TRPC4: variants seen among roughly 807,000 people sequenced by gnomAD.
TRPC4 encodes the protein short transient receptor potential channel 4.
Under a neutral mutation model 99.4 loss-of-function variants are expected in TRPC4, and 49 were observed. The ratio of observed to expected loss-of-function variants is 0.49; its 90% confidence interval spans 0.39 to 0.63. The LOEUF is 0.63. TRPC4 is among the 20% of genes least tolerant of loss of function. The probability of loss-of-function intolerance (pLI) is 0.00; values close to 1 mark genes in which losing one functional copy is unlikely to be tolerated. For missense variants in TRPC4, 898 were observed against 1,152.9 expected, an observed-to-expected ratio of 0.78 and a Z score of 3.20; for synonymous variants, 454 against 425.9, an observed-to-expected ratio of 1.07 and a Z score of -0.81.
chr13:37,801,074 G>A (rs1195598559), intron 1 of TRPC4, among the ~76,000 whole-genome samples: 1 of 151,964 alleles, frequency 6.6e-6, no homozygotes, highest in Non-Finnish European at 1.5e-5. Context: ...ATATTTGAAT[G>A]AATATTTATC....
At chr13:37,759,867 A>C (rs541335285) in intron 2 of TRPC4, among the ~76,000 whole-genome samples, 1 of 134,270 alleles carries the variant, frequency 7.4e-6, no homozygotes, top group African/African-American at 2.5e-5. Flanking sequence ...AATATTTCTT[A>C]TATTTATTTC....
At chr13:37,802,381 C>T (rs1957427659) in intron 1 of TRPC4, among the ~76,000 whole-genome samples, 2 of 152,052 alleles carry the variant, frequency 1.3e-5, no homozygotes, top group African/African-American at 2.4e-5. Flanking sequence ...TTAATATTCT[C>T]CAATTTTGTG....
intron 2 of TRPC4, among the ~76,000 whole-genome samples, chr13:37,760,646 C>T (rs1355822343): frequency 1.3e-5 from 2 of 151,882 alleles, no homozygotes; most frequent in Non-Finnish European, 2.9e-5. Context: ...TGTATGTGGC[C>T]CAGGACAGCT....
At chr13:37,786,760 A>G (rs570543818) in intron 1 of TRPC4, among the ~76,000 whole-genome samples, 37 of 152,208 alleles carry the variant, frequency 2.4e-4, no homozygotes, top group Non-Finnish European at 4.1e-4. Context: ...TTTCATTTCA[A>G]TGTCTCCTGT....
intron 3 of TRPC4, among the ~76,000 whole-genome samples, chr13:37,716,548 A>G (rs896817356): frequency 3.9e-5 from 6 of 152,236 alleles, no homozygotes; most frequent in Admixed American, 1.3e-4. Context: ...TTCTTTTTCA[A>G]AATAAAGTTG....
intron 3 of TRPC4, among the ~76,000 whole-genome samples, chr13:37,721,019 C>G (rs1444729227): frequency 2.0e-5 from 3 of 152,158 alleles, no homozygotes; most frequent in African/African-American, 7.2e-5. Flanking sequence ...TTAGGAGACA[C>G]ATTCCAAACA....
Position 37,821,190 on chromosome 13 carries a change from CCACACACACACACACACA to C in TRPC4, c.-27-37848_-27-37831del, listed in dbSNP as rs3086254. 4.4e-4 allele frequency among the ~76,000 whole-genome samples: 60 copies of C among 135,938 alleles called. 1 individual carries two copies. The highest frequency in any genetic ancestry group is 9.0e-4 in the Admixed American group (12 of 13,268). 89.2% of individuals were successfully genotyped at this position (135,938 alleles called of 152,430 possible). The stretch of plus-strand genomic sequence containing the variant: ...ATGAATGAAATCACATTCACAATAG[CCACACACACACACACACA>C]CACACACACACACACACACACACAA... On this transcript the variant is annotated intron_variant, in intron 1 of 10. Coordinates refer to ENST00000379705, the MANE Select transcript of TRPC4 (RefSeq NM_016179.4).
Position 37,634,644 on chromosome 13 carries a change from G to T in TRPC4, c.*2259C>A, listed in dbSNP as rs753311109. Among the ~76,000 whole-genome samples the T allele has an allele frequency of 4.6e-5, 7 of 152,024 alleles. No individual in the cohort carries two copies. Among genetic ancestry groups the T allele is most frequent in the Non-Finnish European group, 7.4e-5 (5 of 67,974 alleles). ...AGAGAGAATTTGAAATTAAATTCTG[G>T]TAAAGTATGTAAAATGGTTATGTAT... On this transcript the variant is annotated 3_prime_UTR_variant, in exon 11 of 11. Coordinates refer to ENST00000379705, the MANE Select transcript of TRPC4 (RefSeq NM_016179.4).
At chr13:37,650,608 T>A (rs1306423997) in intron 8 of TRPC4, among the ~76,000 whole-genome samples, 7 of 44,464 alleles carry the variant, frequency 1.6e-4, no homozygotes, top group South Asian at 1.2e-3. Flanking sequence ...TCTCTCTCTC[T>A]CTATACACAC....
At chr13:37,769,648 G>A (rs1490694690) in intron 2 of TRPC4, among the ~76,000 whole-genome samples, 1 of 151,200 alleles carries the variant, frequency 6.6e-6, no homozygotes, top group African/African-American at 2.4e-5. Context: ...CTGGCTCCAG[G>A]GAATCATTCA....
At chr13:37,753,162 A>G (rs897699695) in intron 2 of TRPC4, among the ~76,000 whole-genome samples, 9 of 152,092 alleles carry the variant, frequency 5.9e-5, no homozygotes, top group Admixed American at 3.3e-4. Context: ...GGAACTAGCA[A>G]TGTAAAACAG....
At chr13:37,776,637 A>T (rs1175300553) in intron 2 of TRPC4, among the ~76,000 whole-genome samples, 1 of 151,944 alleles carries the variant, frequency 6.6e-6, no homozygotes, top group Non-Finnish European at 1.5e-5. Flanking sequence ...AAATGTTTTC[A>T]TTCTTTAGAG....
intron 3 of TRPC4, among the ~76,000 whole-genome samples, chr13:37,724,172 G>T (rs1954961749): frequency 6.6e-6 from 1 of 151,806 alleles, no homozygotes; most frequent in Admixed American, 6.6e-5. Flanking sequence ...ATTTTTCAAA[G>T]GAAAAAATAA....
chr13:37,678,510 A>T (rs1953132564), intron 4 of TRPC4, among the ~76,000 whole-genome samples: 1 of 152,038 alleles, frequency 6.6e-6, no homozygotes, highest in Non-Finnish European at 1.5e-5. Flanking sequence ...TCACAACTTA[A>T]ATGAGCTTTT....
intron 1 of TRPC4, among the ~76,000 whole-genome samples, chr13:37,786,910 G>A (rs1391500827): frequency 2.0e-5 from 3 of 151,894 alleles, no homozygotes; most frequent in Non-Finnish European, 4.4e-5. Flanking sequence ...TAAATGTGTT[G>A]AGGATTAAAA....
rs1352015556 is a variant in TRPC4, at chr13:37,783,126, C to T, written c.208G>A (p.Gly70Arg). 5 of 1,613,176 alleles carry T rather than the reference C, an allele frequency of 3.1e-6. No homozygotes were observed. Among genetic ancestry groups the T allele is most frequent in the East Asian group, 2.2e-5 (1 of 44,772 alleles). ...KININCIDPL[G>R]RTALLIAIEN... is the part of the protein sequence containing the mutation. ...ATTGCAATGAGGAGAGCAGTTCTTC[C>T]GAGAGGATCAATGCAATTAATATTG... Residue 70 changes from glycine to arginine, a missense_variant, in exon 2 of 11, where the codon GGA (glycine) becomes AGA (arginine). This residue lies in a region of TRPC4 where 278 missense variants were observed against 346.6 expected (regional missense o/e 0.80). Coordinates refer to ENST00000379705, the MANE Select transcript of TRPC4 (RefSeq NM_016179.4).
At chr13:37,698,917 T>G (rs1954012206) in intron 3 of TRPC4, among the ~76,000 whole-genome samples, 1 of 152,162 alleles carries the variant, frequency 6.6e-6, no homozygotes, top group South Asian at 2.1e-4. Flanking sequence ...ACCTAGTTTC[T>G]CACAGATATT....
intron 3 of TRPC4, among the ~76,000 whole-genome samples, chr13:37,733,918 G>A (rs1049734719): frequency 6.6e-6 from 1 of 152,080 alleles, no homozygotes; most frequent in African/African-American, 2.4e-5. Context: ...GGGAATAATA[G>A]GTAGGAGAAA....
At chr13:37,643,301 A>G (rs1951780502) in intron 8 of TRPC4, among the ~76,000 whole-genome samples, 1 of 152,222 alleles carries the variant, frequency 6.6e-6, no homozygotes, top group Non-Finnish European at 1.5e-5. Context: ...ACCAGAGATG[A>G]ATAAAGCACA....
Sources: gnomAD v4.1 joint callset for allele counts (sites outside exome capture counted in the v4.1 genomes callset) on GRCh38, gnomAD v4.1.1 for gene constraint, gnomAD v4.1.1 regional missense constraint, MANE v1.5 for transcripts, NCBI Gene and HGNC (gene_info 2026-07-23, HGNC 2026-07-21) for gene names.